SAMD12: variants seen among roughly 807,000 people sequenced by gnomAD.
SAMD12 encodes the protein sterile alpha motif domain-containing protein 12.
Under a neutral mutation model 15.0 loss-of-function variants are expected in SAMD12, and 9 were observed. The ratio of observed to expected loss-of-function variants is 0.60; its 90% CI spans 0.36 to 1.05. The LOEUF is 1.05. Ranked by LOEUF, SAMD12 falls within the 50% of genes least tolerant of loss-of-function variation. The probability of loss-of-function intolerance (pLI) is 0.01; values close to 1 mark genes in which losing one functional copy is unlikely to be tolerated. For synonymous variants in SAMD12, 86 were observed against 90.1 expected, an observed-to-expected ratio of 0.96 and a Z score of 0.25; for missense variants, 230 against 234.2, an observed-to-expected ratio of 0.98 and a Z score of 0.12.
At chr8:118,139,628 G>A in the SAMD12 span, among the ~76,000 whole-genome samples, 3 of 152,156 alleles carry the variant, frequency 2.0e-5, no homozygotes, top group Non-Finnish European at 4.4e-5. Flanking sequence ...AAGTAGTTGG[G>A]ATTACATGTG....
chr8:118,376,199 T>C (rs1819379821), downstream of SAMD12, among the ~76,000 whole-genome samples: 1 of 152,214 alleles, frequency 6.6e-6, no homozygotes. Flanking sequence ...TCCTCAAAAA[T>C]GGACTTTGAA....
chr8:118,218,696 A>G (rs1198557253), intron 4 of SAMD12, among the ~76,000 whole-genome samples: 3 of 152,182 alleles, frequency 2.0e-5, no homozygotes, highest in Non-Finnish European at 4.4e-5. Context: ...TGCAAATGAC[A>G]GTGTCTCCTT....
chr8:118,319,922 C>T (rs983079745), intron 4 of SAMD12, among the ~76,000 whole-genome samples: 15 of 152,136 alleles, frequency 9.9e-5, no homozygotes, highest in African/African-American at 2.4e-4. Flanking sequence ...GCTTAGAACT[C>T]GCTAGAGTTA....
At chr8:118,186,917 G>T (rs1213608236), downstream of SAMD12, among the ~76,000 whole-genome samples, 3 of 152,090 alleles carry the variant, frequency 2.0e-5, no homozygotes, top group African/African-American at 7.2e-5. Flanking sequence ...GATATTTTCT[G>T]TGTAACTCAT....
chr8:118,395,838 G>T (rs1586660068), intron 3 of SAMD12, among the ~76,000 whole-genome samples: 1 of 151,382 alleles, frequency 6.6e-6, no homozygotes, highest in Non-Finnish European at 1.5e-5. Flanking sequence ...GGCGCCTGTA[G>T]TCCCAGCTAC....
intron 4 of SAMD12, among the ~76,000 whole-genome samples, chr8:118,291,672 C>T (rs183145802): frequency 2.2e-4 from 33 of 151,776 alleles, no homozygotes; most frequent in Admixed American, 6.6e-4. Context: ...TTATTTAGTT[C>T]GCAGAAAAAT....
chr8:118,507,271 C>T (rs1824946439), intron 2 of SAMD12, among the ~76,000 whole-genome samples: 1 of 152,050 alleles, frequency 6.6e-6, no homozygotes, highest in Non-Finnish European at 1.5e-5. Flanking sequence ...GGTGAAATGA[C>T]ACAGCCTCCT....
chr8:118,555,437 T>A (rs560669756), intron 2 of SAMD12, among the ~76,000 whole-genome samples: 1 of 152,206 alleles, frequency 6.6e-6, no homozygotes, highest in Non-Finnish European at 1.5e-5. Context: ...CTCCTCTCCA[T>A]TTCCCCTACA....
At chr8:118,280,945 CT>C (rs1241401054) in intron 4 of SAMD12, among the ~76,000 whole-genome samples, 1 of 152,114 alleles carries the variant, frequency 6.6e-6, no homozygotes, top group Non-Finnish European at 1.5e-5. Context: ...CAAGGCTGCC[CT>C]TTTTTGTCCC....
chr8:118,159,705 T>G, the SAMD12 span, among the ~76,000 whole-genome samples: 1 of 11,114 alleles, frequency 9.0e-5, no homozygotes, highest in Admixed American at 1.7e-3. Context: ...ATAACAAATT[T>G]TTTCTTTTTT....
At chr8:118,584,474 G>C (rs777047996) in intron 1 of SAMD12, among the ~76,000 whole-genome samples, 3 of 151,952 alleles carry the variant, frequency 2.0e-5, no homozygotes, top group African/African-American at 7.3e-5. Flanking sequence ...GGTCGGCTTC[G>C]AGACCCTCTT....
chr8:118,458,619 T>C (rs72678130), intron 2 of SAMD12, among the ~76,000 whole-genome samples: 22 of 152,326 alleles, frequency 1.4e-4, no homozygotes, highest in Non-Finnish European at 1.6e-4. Flanking sequence ...CATTACATTA[T>C]TTTTCTGTAC....
At chr8:118,307,307 G>T (rs1023553330) in intron 4 of SAMD12, among the ~76,000 whole-genome samples, 13 of 152,200 alleles carry the variant, frequency 8.5e-5, no homozygotes, top group African/African-American at 3.1e-4. Context: ...AATCATTTGG[G>T]GAAATTTGTC....
At chr8:118,386,906 A>T (rs1200730505) in intron 3 of SAMD12, among the ~76,000 whole-genome samples, 1 of 152,242 alleles carries the variant, frequency 6.6e-6, no homozygotes, top group African/African-American at 2.4e-5. Flanking sequence ...GTGCCACTGC[A>T]TGTGGTTGGG....
intron 3 of SAMD12, among the ~76,000 whole-genome samples, chr8:118,383,550 T>C (rs1819783196): frequency 6.6e-6 from 1 of 152,204 alleles, no homozygotes; most frequent in Non-Finnish European, 1.5e-5. Context: ...TCCCTGCTTC[T>C]GCTCACAGGA....
At chr8:118,462,475 G>T (rs969925888) in intron 2 of SAMD12, among the ~76,000 whole-genome samples, 2 of 152,172 alleles carry the variant, frequency 1.3e-5, no homozygotes, top group African/African-American at 4.8e-5. Context: ...ACACAAGCCG[G>T]ATACTCTGAT....
chr8:118,354,782 C>A (rs1225702136), intron 4 of SAMD12, among the ~76,000 whole-genome samples: 1 of 152,206 alleles, frequency 6.6e-6, no homozygotes, highest in Non-Finnish European at 1.5e-5. Flanking sequence ...AATTAAATCA[C>A]AGATATCCTT....
intron 3 of SAMD12, among the ~76,000 whole-genome samples, chr8:118,393,996 A>C (rs562332922): frequency 7.4e-6 from 1 of 135,086 alleles, no homozygotes; most frequent in South Asian, 2.3e-4. Flanking sequence ...AGAGTAATAA[A>C]AGTGGGCTAA....
In SAMD12 at chr8:118,395,889, C is replaced by T. The variant is rs187236343; in HGVS notation, c.323-16189G>A. 8.1e-5 allele frequency among the ~76,000 whole-genome samples: 12 copies of T among 147,270 alleles called. No individual in the cohort carries two copies. The East Asian group carries it at 1.8e-3, about 22-fold the overall frequency. Reference sequence around the variant, plus strand: ...AGGAGAATGGGGTGAACCCAGGAGGCGGAGCTTGCAGTGAGTAAGATCGCA... The same window carrying T: ...AGGAGAATGGGGTGAACCCAGGAGGTGGAGCTTGCAGTGAGTAAGATCGCA... On this transcript the variant is annotated intron_variant, in intron 3 of 3. Coordinates refer to ENST00000314727, the MANE Select transcript of SAMD12 (RefSeq NM_207506.3).
Sources: allele counts gnomAD v4.1 joint callset (sites outside exome capture counted in the v4.1 genomes callset), GRCh38; gene constraint gnomAD v4.1.1; transcripts MANE v1.5; gene names NCBI Gene and HGNC (gene_info 2026-07-23, HGNC 2026-07-21).